LDLRAD4: variants seen among roughly 807,000 people sequenced by gnomAD.
The protein encoded by LDLRAD4 is low density lipoprotein receptor class A domain containing 4.
A neutral mutation model predicts 17.0 loss-of-function variants in LDLRAD4; 5 were observed. The observed-to-expected ratio is 0.29, with a 90% CI of 0.15 to 0.62. The LOEUF (loss-of-function observed/expected upper bound fraction) is 0.62. Ranked by LOEUF, LDLRAD4 falls within the 20% of genes least tolerant of loss-of-function variation. The pLI, the probability that LDLRAD4 is intolerant of heterozygous loss-of-function variation, is 0.84. For synonymous variants in LDLRAD4, 168 were observed against 171.8 expected (o/e 0.98, Z 0.17); for missense variants, 340 against 424.7 (o/e 0.80, Z 1.75).
intron 1 of LDLRAD4, among the ~76,000 whole-genome samples, chr18:13,267,745 G>A (rs1340723091): frequency 6.6e-6 from 1 of 152,230 alleles, no homozygotes; most frequent in Non-Finnish European, 1.5e-5. Flanking sequence ...TGGAAATCAC[G>A]CACATGTAAG....
intron 2 of LDLRAD4, among the ~76,000 whole-genome samples, chr18:13,431,020 G>A (rs922147481): frequency 1.3e-5 from 2 of 152,156 alleles, no homozygotes; most frequent in African/African-American, 2.4e-5. Context: ...AGGGAATTAG[G>A]TACTTTATTA....
intron 4 of LDLRAD4, among the ~76,000 whole-genome samples, chr18:13,628,116 G>T (rs1471459611): frequency 1.3e-5 from 2 of 152,222 alleles, no homozygotes; most frequent in African/African-American, 4.8e-5. Flanking sequence ...CATTCCCACT[G>T]CGGCTGGAGC....
At chr18:13,374,921 C>T (rs1222436185) in intron 1 of LDLRAD4, among the ~76,000 whole-genome samples, 2 of 152,190 alleles carry the variant, frequency 1.3e-5, no homozygotes, top group East Asian at 3.9e-4. Flanking sequence ...CCGTCTGCAG[C>T]CCCATGACGG....
intron 2 of LDLRAD4, among the ~76,000 whole-genome samples, chr18:13,435,600 C>T (rs921868585): frequency 1.3e-5 from 2 of 152,180 alleles, no homozygotes; most frequent in African/African-American, 4.8e-5. Context: ...GAGTGTGCCA[C>T]TGCACTTGGC....
chr18:13,381,708 T>G, intron 1 of LDLRAD4, among the ~76,000 whole-genome samples: 1 of 152,326 alleles, frequency 6.6e-6, no homozygotes, highest in African/African-American at 2.4e-5. Flanking sequence ...TCTCCCTTGG[T>G]GGGACACCTG....
rs76970841 is a variant in LDLRAD4, at chr18:13,260,598, C to G, written c.-466-17507C>G. Reference sequence around the variant, plus strand: ...CAGGATTCTTGAGTGTAGCATTTCTCTGACTCAGCCGACTATTTCCTTTTT... The same window carrying G: ...CAGGATTCTTGAGTGTAGCATTTCTGTGACTCAGCCGACTATTTCCTTTTT... On this transcript the variant is annotated intron_variant, in intron 1 of 5. Transcript: ENST00000399848. 1.9e-3 allele frequency among the ~76,000 whole-genome samples: 282 copies of G among 152,344 alleles called. 1 individual carries two copies. Among genetic ancestry groups the G allele is most frequent in the African/African-American group, 6.5e-3 (269 of 41,578 alleles).
At chr18:13,624,600 G>A (rs1055168025) in intron 4 of LDLRAD4, among the ~76,000 whole-genome samples, 3 of 152,216 alleles carry the variant, frequency 2.0e-5, no homozygotes, top group Admixed American at 2.0e-4. Context: ...TGTAGGAGGT[G>A]TTTGGGGCAG....
chr18:13,397,896 C>T (rs1446382324), intron 2 of LDLRAD4, among the ~76,000 whole-genome samples: 1 of 152,336 alleles, frequency 6.6e-6, no homozygotes, highest in Admixed American at 6.5e-5. Context: ...TCTCAGCGCA[C>T]GCTGTTTCAC....
At chr18:13,437,385 T>A (rs1331849448) in intron 2 of LDLRAD4, among the ~76,000 whole-genome samples, 1 of 152,242 alleles carries the variant, frequency 6.6e-6, no homozygotes, top group Non-Finnish European at 1.5e-5. Context: ...CTGTAAGATG[T>A]AATGGACCTT....
chr18:13,582,862 G>A (rs2094882552), intron 3 of LDLRAD4, among the ~76,000 whole-genome samples: 1 of 152,166 alleles, frequency 6.6e-6, no homozygotes, highest in African/African-American at 2.4e-5. Context: ...ATAGGTGCAT[G>A]CCGCTGTGCT....
At chr18:13,579,305 A>C (rs2094823515) in intron 3 of LDLRAD4, among the ~76,000 whole-genome samples, 1 of 152,268 alleles carries the variant, frequency 6.6e-6, no homozygotes, top group South Asian at 2.1e-4. Context: ...AATTACAGTC[A>C]TTTGTTTATA....
upstream of LDLRAD4, among the ~76,000 whole-genome samples, chr18:13,277,560 G>C (rs2044962099): frequency 6.6e-6 from 1 of 152,238 alleles, no homozygotes; most frequent in Non-Finnish European, 1.5e-5. Context: ...CAGCCTTGCA[G>C]GCAGAGTCAC....
chr18:13,327,728 T>C (rs2081610023), intron 1 of LDLRAD4, among the ~76,000 whole-genome samples: 1 of 152,030 alleles, frequency 6.6e-6, no homozygotes, highest in South Asian at 2.1e-4. Flanking sequence ...TTATGAGAGG[T>C]TGAGAAGCCG....
In LDLRAD4 at chr18:13,354,512, T is replaced by A. The variant is rs145211731; in HGVS notation, c.-382-32829T>A. Reference sequence around the variant, plus strand: ...TAGGCTACTGTGATTAGAAATTACATCATTTGTGTGATGGAAAAATATAGA... The same window carrying A: ...TAGGCTACTGTGATTAGAAATTACAACATTTGTGTGATGGAAAAATATAGA... On this transcript the variant is annotated intron_variant, in intron 1 of 5. Transcript: ENST00000359446. Among the ~76,000 whole-genome samples, 109 of 152,308 alleles carry A rather than the reference T, an allele frequency of 7.2e-4. 1 individual carries two copies. Among genetic ancestry groups the A allele is most frequent in the African/African-American group, 2.3e-3 (94 of 41,576 alleles).
intron 1 of LDLRAD4, among the ~76,000 whole-genome samples, chr18:13,263,574 T>C (rs151205659): frequency 7.2e-4 from 110 of 152,322 alleles, no homozygotes; most frequent in Middle Eastern, 6.8e-3. Flanking sequence ...TGGCCTGGGT[T>C]CGAGTCCCAG....
At chr18:13,436,885 C>G (rs1848295412) in intron 2 of LDLRAD4, among the ~76,000 whole-genome samples, 1 of 152,196 alleles carries the variant, frequency 6.6e-6, no homozygotes, top group Non-Finnish European at 1.5e-5. Flanking sequence ...CGGCTGGTTT[C>G]TTTTTCTATA....
intron 1 of LDLRAD4, among the ~76,000 whole-genome samples, chr18:13,347,924 A>G (rs938888570): frequency 2.6e-5 from 4 of 152,182 alleles, no homozygotes; most frequent in African/African-American, 9.7e-5. Flanking sequence ...CAGCTTCATC[A>G]GGTCCTTTAA....
intron 3 of LDLRAD4, among the ~76,000 whole-genome samples, chr18:13,480,104 C>T (rs1294552995): frequency 6.6e-6 from 1 of 152,238 alleles, no homozygotes; most frequent in African/African-American, 2.4e-5. Context: ...ACACAGAAAC[C>T]TTCACATGGA....
At chr18:13,222,301 GT>G (rs1055778327) in intron 1 of LDLRAD4, among the ~76,000 whole-genome samples, 2 of 150,194 alleles carry the variant, frequency 1.3e-5, no homozygotes, top group Non-Finnish European at 3.0e-5. Flanking sequence ...TTTGTTGTTG[GT>G]TTTTTTTTCT....
Sources: gnomAD v4.1 joint callset for allele counts (sites outside exome capture counted in the v4.1 genomes callset) on GRCh38, gnomAD v4.1.1 for gene constraint, MANE v1.5 for transcripts, NCBI Gene and HGNC (gene_info 2026-07-23, HGNC 2026-07-21) for gene names.